Variants in TJP1 observed in about 807,000 individuals in gnomAD.
The protein encoded by TJP1 is tight junction protein 1, also known as tight junction protein ZO-1.
TJP1 carries 43 observed loss-of-function variants against 194.2 expected under a neutral mutation model. The observed-to-expected ratio is 0.22, with a 90% confidence interval of 0.17 to 0.29. The LOEUF (loss-of-function observed/expected upper bound fraction) is 0.29, where lower values mean the gene tolerates loss of function less well. Among genes scored for constraint, TJP1 ranks in the 10% least tolerant of loss-of-function variants. TJP1 has a pLI of 1.00. For synonymous variants in TJP1, 801 were observed against 779.0 expected, an observed-to-expected ratio of 1.03 and a Z score of -0.47; for missense variants, 1,971 against 2,185.7, an observed-to-expected ratio of 0.90 and a Z score of 1.96.
intron 2 of TJP1, among the ~76,000 whole-genome samples, chr15:29,864,009 T>C (rs1248853001): frequency 6.6e-6 from 1 of 152,050 alleles, no homozygotes; most frequent in Non-Finnish European, 1.5e-5. Context: ...CTTCCCAAAG[T>C]TGTTTAAGGA....
At chr15:29,863,472 G>A (rs918897112) in intron 2 of TJP1, among the ~76,000 whole-genome samples, 7 of 152,096 alleles carry the variant, frequency 4.6e-5, no homozygotes, top group African/African-American at 1.7e-4. Flanking sequence ...TGTGTTGTTT[G>A]GCTAGAACAG....
At chr15:29,821,141 A>G (rs1040606503) in intron 1 of TJP1, among the ~76,000 whole-genome samples, 2 of 152,246 alleles carry the variant, frequency 1.3e-5, no homozygotes, top group Non-Finnish European at 2.9e-5. Flanking sequence ...ATTAATATAC[A>G]AAATGGGAGG....
intron 2 of TJP1, among the ~76,000 whole-genome samples, chr15:29,893,282 G>A (rs1408534347): frequency 6.6e-6 from 1 of 152,144 alleles, no homozygotes; most frequent in Non-Finnish European, 1.5e-5. Context: ...CAAAGACAAT[G>A]GTTTCTCGAG....
At chr15:29,882,264 G>A (rs749571487) in intron 2 of TJP1, among the ~76,000 whole-genome samples, 6 of 152,214 alleles carry the variant, frequency 3.9e-5, no homozygotes, top group East Asian at 1.9e-4. Context: ...GTGTTTGTGC[G>A]TTTGTGTTTT....
At chr15:29,895,144 T>G (rs546514669) in intron 2 of TJP1, among the ~76,000 whole-genome samples, 27 of 152,266 alleles carry the variant, frequency 1.8e-4, no homozygotes, top group Admixed American at 1.8e-3. Context: ...ACCTGGTGGA[T>G]TCACACCAAT....
chr15:29,845,840 T>A (rs554745752), intron 2 of TJP1, among the ~76,000 whole-genome samples: 110 of 152,244 alleles, frequency 7.2e-4, no homozygotes, highest in Non-Finnish European at 1.3e-3. Context: ...GTTGTACTAA[T>A]AATCTAACAT....
chr15:29,810,230 T>C (rs192143001), intron 1 of TJP1, among the ~76,000 whole-genome samples: 135 of 152,294 alleles, frequency 8.9e-4, no homozygotes, highest in African/African-American at 2.1e-3. Flanking sequence ...GAATGAAGTA[T>C]AGATGAAATG....
intron 2 of TJP1, among the ~76,000 whole-genome samples, chr15:29,927,983 A>G (rs1283151412): frequency 6.6e-6 from 1 of 152,140 alleles, no homozygotes; most frequent in Non-Finnish European, 1.5e-5. Context: ...AGTGCCCACC[A>G]GAAACAAACA....
At chr15:29,904,573 T>C (rs1223932413) in intron 2 of TJP1, among the ~76,000 whole-genome samples, 1 of 149,012 alleles carries the variant, frequency 6.7e-6, no homozygotes, top group East Asian at 1.9e-4. Flanking sequence ...AAAAAAAAGA[T>C]GTATGTGCAA....
At chr15:29,914,281 T>C (rs1157876819) in intron 2 of TJP1, among the ~76,000 whole-genome samples, 2 of 152,162 alleles carry the variant, frequency 1.3e-5, no homozygotes, top group Non-Finnish European at 2.9e-5. Flanking sequence ...TTGGTAAACA[T>C]TTGCTTATTA....
intron 2 of TJP1, among the ~76,000 whole-genome samples, chr15:29,901,499 G>A (rs138076094): frequency 1.5e-3 from 230 of 152,290 alleles, no homozygotes; most frequent in African/African-American, 5.2e-3. Flanking sequence ...CTTCTGGTGT[G>A]TTCTGCCAAT....
chr15:29,798,213 C>T (rs1325167030), intron 2 of TJP1, among the ~76,000 whole-genome samples: 1 of 151,632 alleles, frequency 6.6e-6, no homozygotes, highest in African/African-American at 2.4e-5. Context: ...TCGGGTAATC[C>T]ACCAGCCTCT....
rs2041729893 is a variant in TJP1 at position 29,704,041 on chromosome 15, A to C, written c.5212+121T>G. The C allele has an allele frequency of 2.8e-6, 3 of 1,083,220 alleles. No individual in the cohort carries two copies. The South Asian group carries it at 5.4e-5, about 20-fold the overall frequency. 67.1% of individuals were successfully genotyped at this position (1,083,220 alleles called of 1,614,324 possible). ...AAATGTGAAAACACTGGTGATGCCT[A>C]CAAGGCCACAGGAACAGAGATAGAG... On this transcript the variant is annotated intron_variant, in intron 27 of 27. Transcript: ENST00000614355.
At position 29,763,946 on chromosome 15, in the gene TJP1, A is replaced by G. The variant is rs572140524; in HGVS notation, c.590-1508T>C. On this transcript the variant is annotated intron_variant, in intron 5 of 27. Coordinates refer to ENST00000614355, the MANE Select transcript of TJP1 (RefSeq NM_001330239.4). The stretch of plus-strand genomic sequence containing the variant: ...TCACAGAAGGATAGGGTATTGGTTA[A>G]AAGACTGTTCTTCAAGATTAAACAC... Among the ~76,000 whole-genome samples, 28 of 152,298 alleles carry G rather than the reference A, an allele frequency of 1.8e-4. 1 individual carries two copies. The highest frequency in any genetic ancestry group is 3.5e-4 in the Non-Finnish European group (24 of 68,022).
At chr15:29,816,084 C>T (rs2049897272) in intron 1 of TJP1, among the ~76,000 whole-genome samples, 1 of 151,774 alleles carries the variant, frequency 6.6e-6, no homozygotes, top group Non-Finnish European at 1.5e-5. Flanking sequence ...TATCTCGACT[C>T]ACTGCAACCT....
At chr15:29,753,694 G>C (rs946337052) in intron 8 of TJP1, among the ~76,000 whole-genome samples, 3 of 151,802 alleles carry the variant, frequency 2.0e-5, no homozygotes, top group Admixed American at 1.3e-4. Context: ...CATTGGTCAC[G>C]GTGTAAGGTA....
chr15:29,927,701 G>A (rs1429340033), intron 2 of TJP1, among the ~76,000 whole-genome samples: 1 of 152,170 alleles, frequency 6.6e-6, no homozygotes, highest in East Asian at 1.9e-4. Flanking sequence ...CCACGCATAT[G>A]GGGCCATCTT....
At chr15:29,963,089 T>C (rs1203513526) in intron 1 of TJP1, among the ~76,000 whole-genome samples, 1 of 152,144 alleles carries the variant, frequency 6.6e-6, no homozygotes, top group Non-Finnish European at 1.5e-5. Flanking sequence ...TGCAGTGAGC[T>C]GAGATCGCGC....
chr15:29,835,522 T>A lies in TJP1; in HGVS notation c.307-34820A>T, dbSNP rs566454894. 1.1e-4 allele frequency among the ~76,000 whole-genome samples: 17 copies of A among 152,130 alleles called. No individual in the cohort carries two copies. The East Asian group carries it at 3.3e-3, about 29-fold the overall frequency. On this transcript the variant is annotated intron_variant, in intron 2 of 28. Transcript: ENST00000356107. ...ACTGGTGCCTAAAATAGCACAAAATTGCCTGTAGTCCCAGCTACTGGCGAG... is the reference window on the plus strand; with the variant it reads ...ACTGGTGCCTAAAATAGCACAAAATAGCCTGTAGTCCCAGCTACTGGCGAG...
Sources: gnomAD v4.1 joint callset for allele counts (sites outside exome capture counted in the v4.1 genomes callset) on GRCh38, gnomAD v4.1.1 for gene constraint, MANE v1.5 for transcripts, NCBI Gene and HGNC (gene_info 2026-07-23, HGNC 2026-07-21) for gene names.